TIAM2: variants seen among roughly 807,000 people sequenced by gnomAD.
The protein encoded by TIAM2 is rho guanine nucleotide exchange factor TIAM2.
In TIAM2, 80 loss-of-function variants were observed where a neutral mutation model predicts 152.9. The ratio of observed to expected loss-of-function variants is 0.52; its 90% confidence interval spans 0.44 to 0.63. The LOEUF (loss-of-function observed/expected upper bound fraction) is 0.63, where lower values mean the gene tolerates loss of function less well. Ranked by LOEUF, TIAM2 falls within the 30% of genes least tolerant of loss-of-function variation. The pLI is 0.00. For missense variants in TIAM2, 1,965 were observed against 2,120.1 expected (o/e 0.93, Z 1.44); for synonymous variants, 804 against 838.0 (o/e 0.96, Z 0.70).
At chr6:155,245,755 G>T (rs148200940) in intron 19 of TIAM2, 24 bp downstream of exon 19, 4,015 of 1,022,714 alleles carry the variant, frequency 3.9e-3, no homozygotes, top group Non-Finnish European at 4.9e-3. Flanking sequence ...GCCTTTTATA[G>T]TTTTTTTTTT....
chr6:155,007,800 G>A (rs1317261810), intron 1 of TIAM2, among the ~76,000 whole-genome samples: 1 of 152,110 alleles, frequency 6.6e-6, no homozygotes, highest in East Asian at 1.9e-4. Flanking sequence ...TTTCACCCTG[G>A]CCATTAGTCT....
Position 155,256,770 on chromosome 6 carries a change from T to A in TIAM2, c.4755T>A (p.Thr1585=). The A allele has an allele frequency of 6.2e-7, 1 of 1,614,174 alleles. No homozygotes were observed. The change falls in exon 27 of 27, where the codon ACT becomes ACA. Residue 1585 remains threonine (T), a synonymous_variant. Coordinates refer to ENST00000682666, the MANE Select transcript of TIAM2 (RefSeq NM_012454.4). ...HRQTVKQGSP[T]KDIEIQFQRL... ...AGACTGTGAAGCAGGGCAGCCCTAC[T>A]AAAGACATCGAAATTCAGTTCCAGA...
chr6:155,238,885 G>C (rs889525423), intron 15 of TIAM2, among the ~76,000 whole-genome samples: 20 of 152,326 alleles, frequency 1.3e-4, no homozygotes, highest in Admixed American at 4.6e-4. Context: ...GAATTGAACT[G>C]AAAGACTAGC....
At chr6:155,227,809 T>C (rs1482798003) in intron 15 of TIAM2, among the ~76,000 whole-genome samples, 3 of 152,190 alleles carry the variant, frequency 2.0e-5, no homozygotes, top group African/African-American at 7.2e-5. Flanking sequence ...GCAGGTAGAC[T>C]GTGACAGCTG....
chr6:155,225,931 C>T (rs1031549223), intron 15 of TIAM2, among the ~76,000 whole-genome samples: 12 of 152,196 alleles, frequency 7.9e-5, no homozygotes, highest in Admixed American at 5.2e-4. Context: ...TCTGTGCTCA[C>T]TTTAAGGCAA....
rs1314366786 is a variant in TIAM2 at position 155,172,667 on chromosome 6, TATATATATATATATATATA to T, written c.2362-4148_2362-4130del. Among the ~76,000 whole-genome samples the T allele has an allele frequency of 5.1e-3, 44 of 8,660 alleles. 1 individual carries two copies. Among genetic ancestry groups the T allele is most frequent in the African/African-American group, 0.014 (30 of 2,208 alleles). The allele number at this position is 8,660 out of a possible 152,430, so 5.7% of individuals were successfully genotyped here. A position where few individuals can be genotyped will look rare whatever the true frequency, so the allele number is the denominator to read the frequency against. The stretch of plus-strand genomic sequence containing the variant: ...ATATATATATATATATATATATATA[TATATATATATATATATATA>T]TTTTTTTTTTTTTTTTTTTTTTTTT... On this transcript the variant is annotated intron_variant, in intron 9 of 26. Transcript: ENST00000682666.
At chr6:155,047,214 G>A (rs1390281886) in intron 1 of TIAM2, among the ~76,000 whole-genome samples, 1 of 151,994 alleles carries the variant, frequency 6.6e-6, no homozygotes, top group African/African-American at 2.4e-5. Flanking sequence ...TCACTCTGTC[G>A]CCCAGGCTGT....
At chr6:155,126,607 T>C (rs559067218) in intron 2 of TIAM2, among the ~76,000 whole-genome samples, 1 of 152,236 alleles carries the variant, frequency 6.6e-6, no homozygotes, top group South Asian at 2.1e-4. Context: ...GGTGCGTGCC[T>C]GTAATCCCAG....
At chr6:155,078,867 C>T (rs1376944060) in intron 1 of TIAM2, among the ~76,000 whole-genome samples, 2 of 152,148 alleles carry the variant, frequency 1.3e-5, no homozygotes, top group Non-Finnish European at 2.9e-5. Flanking sequence ...GTTTTGTTTG[C>T]TTCTCCCTTT....
At chr6:155,003,443 G>A (rs767655732) in intron 1 of TIAM2, among the ~76,000 whole-genome samples, 5 of 152,082 alleles carry the variant, frequency 3.3e-5, no homozygotes, top group Non-Finnish European at 2.9e-5. Context: ...TCACACCACT[G>A]CACTTCAGCC....
At chr6:155,015,944 CAAAAAAAAAAAAAA>C in intron 1 of TIAM2, among the ~76,000 whole-genome samples, 1 of 61,840 alleles carries the variant, frequency 1.6e-5, no homozygotes, top group Admixed American at 1.8e-4. Flanking sequence ...TTCAAAAAAC[CAAAAAAAAAAAAAA>C]AAAAAAAAAA....
At chr6:155,205,174 T>G (rs1485830777) in intron 14 of TIAM2, among the ~76,000 whole-genome samples, 1 of 99,774 alleles carries the variant, frequency 1.0e-5, no homozygotes, top group Non-Finnish European at 1.8e-5. Flanking sequence ...ACTACCATTA[T>G]TAATTTCTAA....
chr6:155,071,626 C>T (rs1447518207), intron 1 of TIAM2, among the ~76,000 whole-genome samples: 4 of 152,084 alleles, frequency 2.6e-5, no homozygotes, highest in South Asian at 4.1e-4. Context: ...AATTATTGGC[C>T]GGGCGCGGTG....
chr6:155,208,875 A>C (rs1781651986), intron 14 of TIAM2, among the ~76,000 whole-genome samples: 1 of 151,096 alleles, frequency 6.6e-6, no homozygotes, highest in African/African-American at 2.4e-5. Context: ...TCTCTGCCCC[A>C]CTCTGTGCAG....
In TIAM2 at chr6:154,995,898, A is replaced by G. The variant is rs1166484639; in HGVS notation, c.-209+406A>G. ...CCAAAGCCGAGCCGTGGGTGCCCGGAGGGGAGCGCCCGCTGCGCCCACGCC... is the reference window on the plus strand; with the variant it reads ...CCAAAGCCGAGCCGTGGGTGCCCGGGGGGGAGCGCCCGCTGCGCCCACGCC... On this transcript the variant is annotated intron_variant, in intron 1 of 26. Coordinates refer to ENST00000682666, the MANE Select transcript of TIAM2 (RefSeq NM_012454.4). This position sits in a 1 kb window ranked among gnomAD's most constrained non-coding sequence, Gnocchi z 5.2. Among the ~76,000 whole-genome samples, 1 of 152,108 alleles carries G rather than the reference A, an allele frequency of 6.6e-6. No homozygotes were observed.
At chr6:155,151,340 G>A (rs923176505) in intron 7 of TIAM2, among the ~76,000 whole-genome samples, 93 of 152,174 alleles carry the variant, frequency 6.1e-4, no homozygotes, top group Non-Finnish European at 1.1e-3. Context: ...CAATGCAGTT[G>A]GTCTAAACAG....
chr6:155,145,586 A>T (rs1167437814), intron 6 of TIAM2, among the ~76,000 whole-genome samples: 1 of 152,184 alleles, frequency 6.6e-6, no homozygotes, highest in African/African-American at 2.4e-5. Flanking sequence ...TGGGAAGTGA[A>T]GTGTGCTTCT....
intron 1 of TIAM2, among the ~76,000 whole-genome samples, chr6:155,083,748 G>A (rs1427692833): frequency 6.6e-6 from 1 of 152,210 alleles, no homozygotes; most frequent in Non-Finnish European, 1.5e-5. Flanking sequence ...GAATTCAGTG[G>A]CAGCTTTTAG....
At chr6:155,205,010 G>A (rs1472942313) in intron 14 of TIAM2, among the ~76,000 whole-genome samples, 2 of 151,970 alleles carry the variant, frequency 1.3e-5, no homozygotes, top group Non-Finnish European at 2.9e-5. Flanking sequence ...AGCCACTCCT[G>A]AGAGCCCTTT....
Sources: allele counts gnomAD v4.1 joint callset (sites outside exome capture counted in the v4.1 genomes callset), GRCh38; gene constraint gnomAD v4.1.1; non-coding constraint Gnocchi (gnomAD v3.1); transcripts MANE v1.5; gene names NCBI Gene and HGNC (gene_info 2026-07-23, HGNC 2026-07-21).